The following INPP4B variants were observed in gnomAD, a reference collection of about 807,000 sequenced individuals.
The protein encoded by INPP4B is inositol polyphosphate-4-phosphatase type II B.
A neutral mutation model predicts 122.5 loss-of-function variants in INPP4B; 55 were observed. The ratio of observed to expected loss-of-function variants is 0.45; its 90% CI spans 0.36 to 0.56. The LOEUF (loss-of-function observed/expected upper bound fraction) is 0.56, where lower values mean the gene tolerates loss of function less well. INPP4B is among the 20% of genes least tolerant of loss of function. The pLI, the probability that INPP4B is intolerant of heterozygous loss-of-function variation, is 0.00. For synonymous variants in INPP4B, 403 were observed against 388.7 expected, an observed-to-expected ratio of 1.04 and a Z score of -0.43; for missense variants, 1,000 against 1,097.7, an observed-to-expected ratio of 0.91 and a Z score of 1.26.
chr4:142,285,710 C>G (rs1242915552), intron 9 of INPP4B, among the ~76,000 whole-genome samples: 1 of 151,912 alleles, frequency 6.6e-6, no homozygotes, highest in Non-Finnish European at 1.5e-5. Context: ...GCAGAGGCTG[C>G]TAGAGCCAGA....
intron 17 of INPP4B, among the ~76,000 whole-genome samples, chr4:142,148,358 G>A (rs1811910462): frequency 6.6e-6 from 1 of 152,030 alleles, no homozygotes. Context: ...GGGACCACAG[G>A]CATGCCCACC....
At chr4:142,795,576 T>C (rs904014269) in intron 1 of INPP4B, 1 of 152,048 alleles carries the variant, frequency 6.6e-6, no homozygotes, top group Non-Finnish European at 1.5e-5. Context: ...TGTTTTTCAG[T>C]TTGTAAAATG....
chr4:142,637,456 C>T (rs1474410701), intron 2 of INPP4B, among the ~76,000 whole-genome samples: 2 of 152,026 alleles, frequency 1.3e-5, no homozygotes, highest in African/African-American at 2.4e-5. Context: ...CGTTTGTAGC[C>T]CTTTTAGATT....
chr4:142,364,698 T>G (rs769447060), intron 7 of INPP4B, among the ~76,000 whole-genome samples: 1 of 151,970 alleles, frequency 6.6e-6, no homozygotes, highest in Non-Finnish European at 1.5e-5. Context: ...GCGAGGAGCC[T>G]CAAGTAGTAA....
intron 2 of INPP4B, among the ~76,000 whole-genome samples, chr4:142,710,388 T>C (rs540226181): frequency 1.3e-5 from 2 of 152,178 alleles, no homozygotes; most frequent in East Asian, 3.9e-4. Context: ...ACAAACATGG[T>C]AGAGGATGTG....
At chr4:142,337,691 ATAT>A (rs1777158305) in intron 7 of INPP4B, among the ~76,000 whole-genome samples, 1 of 138,884 alleles carries the variant, frequency 7.2e-6, no homozygotes, top group Non-Finnish European at 1.5e-5. Context: ...TATATTATAT[ATAT>A]TATTTTATGT....
At position 142,635,375 on chromosome 4, in the gene INPP4B, A is replaced by T. The variant is rs372056153; in HGVS notation, c.-191+90464T>A. Reference sequence around the variant, plus strand: ...ATTACTGGGTATATACCTGAAGAATAGAAATCATTCTACCATAAAGACACA... The same window carrying T: ...ATTACTGGGTATATACCTGAAGAATTGAAATCATTCTACCATAAAGACACA... On this transcript the variant is annotated intron_variant, in intron 2 of 25. Coordinates refer to ENST00000262992, the MANE Select transcript of INPP4B (RefSeq NM_001101669.3). Among the ~76,000 whole-genome samples, 43 of 152,310 alleles carry T rather than the reference A, an allele frequency of 2.8e-4. No homozygotes were observed. In the South Asian group the frequency reaches 8.9e-3, roughly 32 times the overall value.
chr4:142,113,722 G>A (rs572083809), intron 21 of INPP4B, among the ~76,000 whole-genome samples: 2 of 151,912 alleles, frequency 1.3e-5, no homozygotes, highest in East Asian at 3.9e-4. Flanking sequence ...AGTTTTTCAG[G>A]AATATGAGAA....
intron 12 of INPP4B, among the ~76,000 whole-genome samples, chr4:142,226,908 C>A (rs1057322746): frequency 7.2e-5 from 11 of 152,074 alleles, no homozygotes; most frequent in Admixed American, 5.2e-4. Context: ...GTATTATGAA[C>A]TGAGATAGGA....
intron 2 of INPP4B, among the ~76,000 whole-genome samples, chr4:142,711,500 A>G (rs1763116775): frequency 6.9e-6 from 1 of 145,528 alleles, no homozygotes; most frequent in Admixed American, 6.8e-5. Flanking sequence ...AGTGACTATC[A>G]TCAATCATTT....
At chr4:142,404,604 C>T (rs1455508662) in intron 6 of INPP4B, among the ~76,000 whole-genome samples, 1 of 152,182 alleles carries the variant, frequency 6.6e-6, no homozygotes, top group Non-Finnish European at 1.5e-5. Flanking sequence ...AACCTCCCAT[C>T]TGATGAGTAA....
chr4:142,443,622 G>C (rs1011033949), intron 3 of INPP4B, among the ~76,000 whole-genome samples: 1 of 151,938 alleles, frequency 6.6e-6, no homozygotes, highest in Admixed American at 6.6e-5. Context: ...CTCTGCCCCC[G>C]CCACCAGGCT....
At chr4:142,615,722 T>A (rs887821429) in intron 2 of INPP4B, among the ~76,000 whole-genome samples, 6 of 152,064 alleles carry the variant, frequency 3.9e-5, no homozygotes, top group African/African-American at 1.4e-4. Context: ...TGGCTGGGAA[T>A]TCAGTTTTTA....
At chr4:142,584,541 T>C (rs942706747) in intron 2 of INPP4B, among the ~76,000 whole-genome samples, 4 of 152,124 alleles carry the variant, frequency 2.6e-5, no homozygotes, top group African/African-American at 4.8e-5. Context: ...TCAATTGAGA[T>C]TTGTCTGATG....
chr4:142,436,738 A>G lies in INPP4B; in HGVS notation c.-126-5353T>C, dbSNP rs1439343868. On this transcript the variant is annotated intron_variant, in intron 3 of 25. Coordinates refer to ENST00000262992, the MANE Select transcript of INPP4B (RefSeq NM_001101669.3). ...AGCATCAACAAAAATGTCCCCACAG[A>G]AACCTCATCCAAGTGTCAGCAGCCT... Among the ~76,000 whole-genome samples, 6 of 152,146 alleles carry G rather than the reference A, an allele frequency of 3.9e-5. No homozygotes were observed. The East Asian group carries it at 1.2e-3, about 29-fold the overall frequency.
At chr4:142,806,680 G>GT (rs2151106138) in intron 1 of INPP4B, among the ~76,000 whole-genome samples, 1 of 151,482 alleles carries the variant, frequency 6.6e-6, no homozygotes, top group East Asian at 2.0e-4. Context: ...GGAGTCGGAG[G>GT]TTGCAGTGAG....
intron 11 of INPP4B, among the ~76,000 whole-genome samples, chr4:142,246,729 A>C (rs1032219553): frequency 1.3e-5 from 2 of 152,232 alleles, no homozygotes; most frequent in Admixed American, 6.5e-5. Flanking sequence ...ATATAGAATC[A>C]TGTCATCTGC....
chr4:142,192,423 T>G lies in INPP4B; in HGVS notation c.1181+664A>C, dbSNP rs1040193155. ...ATTCTTCATACCTGGATAATGCACT[T>G]TATGTTTTACATGAGCGTGGTCATA... On this transcript the variant is annotated intron_variant, in intron 15 of 25. Transcript: ENST00000262992. Among the ~76,000 whole-genome samples, 11 of 149,740 alleles carry G rather than the reference T, an allele frequency of 7.3e-5. No individual in the cohort carries two copies. The Admixed American group carries it at 7.4e-4, about 10-fold the overall frequency.
At chr4:142,458,327 A>C (rs1330578122) in intron 3 of INPP4B, among the ~76,000 whole-genome samples, 1 of 152,114 alleles carries the variant, frequency 6.6e-6, no homozygotes, top group East Asian at 1.9e-4. Context: ...GGATAATGTT[A>C]AGTGTTCTGT....
Sources: gnomAD v4.1 joint callset for allele counts (sites outside exome capture counted in the v4.1 genomes callset) on GRCh38, gnomAD v4.1.1 for gene constraint, MANE v1.5 for transcripts, NCBI Gene and HGNC (gene_info 2026-07-23, HGNC 2026-07-21) for gene names.